Variants in SEMA6D observed in about 807,000 individuals in gnomAD.
SEMA6D encodes the protein semaphorin 6D, also known as semaphorin-6D.
Under a neutral mutation model 106.6 loss-of-function variants are expected in SEMA6D, and 35 were observed. That is an observed-to-expected ratio of 0.33 (90% CI 0.25 to 0.44). The LOEUF (loss-of-function observed/expected upper bound fraction) is 0.44. Among genes scored for constraint, SEMA6D ranks in the 20% least tolerant of loss-of-function variants. The pLI is 1.00. For synonymous variants in SEMA6D, 499 were observed against 487.7 expected (o/e 1.02, Z -0.31); for missense variants, 1,185 against 1,345.9 (o/e 0.88, Z 1.87).
intron 1 of SEMA6D, among the ~76,000 whole-genome samples, chr15:47,278,885 G>T (rs1408431515): frequency 2.0e-5 from 3 of 146,718 alleles, no homozygotes; most frequent in Non-Finnish European, 3.0e-5. Flanking sequence ...TTTCCCCATT[G>T]CTTGTTTTTC....
At chr15:47,445,444 A>G (rs2042001501) in intron 2 of SEMA6D, among the ~76,000 whole-genome samples, 1 of 151,878 alleles carries the variant, frequency 6.6e-6, no homozygotes, top group Non-Finnish European at 1.5e-5. Flanking sequence ...AACAATACAT[A>G]CCCATCATCC....
At chr15:47,232,900 G>C (rs1354209352) in intron 1 of SEMA6D, among the ~76,000 whole-genome samples, 2 of 151,806 alleles carry the variant, frequency 1.3e-5, no homozygotes, top group African/African-American at 4.8e-5. Flanking sequence ...TACTTTCATA[G>C]TGTTCTTGGA....
intron 4 of SEMA6D, among the ~76,000 whole-genome samples, chr15:47,642,941 A>C (rs2144764626): frequency 1.3e-5 from 2 of 152,052 alleles, no homozygotes; most frequent in South Asian, 4.2e-4. Context: ...TGCAATGGAG[A>C]GTAAGATAGA....
chr15:47,766,938 GTCT>G (rs1162947518), intron 16 of SEMA6D, 96 bp from the exon 17 acceptor site: 301 of 664,932 alleles, frequency 4.5e-4, no homozygotes, highest in Non-Finnish European at 6.7e-4. Context: ...TTAATTTATA[GTCT>G]TTTTTTTTTT....
chr15:47,319,243 A>G (rs2036826749), intron 1 of SEMA6D, among the ~76,000 whole-genome samples: 1 of 152,172 alleles, frequency 6.6e-6, no homozygotes, highest in South Asian at 2.1e-4. Flanking sequence ...CCCTTAGCAT[A>G]TTAATCATAG....
chr15:47,494,766 AT>A lies in SEMA6D; in HGVS notation c.-87+24222del, dbSNP rs1567119740. ...GATATATATATATATATATATATAT[AT>A]ATATATATATATATATATATATAAT... On this transcript the variant is annotated intron_variant, in intron 3 of 19. Transcript: ENST00000558014. Among the ~76,000 whole-genome samples the A allele has an allele frequency of 1.1e-3, 112 of 98,480 alleles. 2 individuals are homozygous for A. The highest frequency in any genetic ancestry group is 4.1e-3 in the African/African-American group (108 of 26,050). 64.6% of individuals were successfully genotyped at this position (98,480 alleles called of 152,430 possible).
intron 1 of SEMA6D, among the ~76,000 whole-genome samples, chr15:47,283,164 T>C (rs62015690): frequency 0.017 from 2,601 of 152,080 alleles, 48 homozygotes; most frequent in African/African-American, 0.02. Flanking sequence ...CCACCCTCAT[T>C]TTCCTCTTTT....
At chr15:47,651,257 A>T (rs1451901367) in intron 4 of SEMA6D, among the ~76,000 whole-genome samples, 1 of 152,100 alleles carries the variant, frequency 6.6e-6, no homozygotes, top group Non-Finnish European at 1.5e-5. Flanking sequence ...AAAATAAATT[A>T]GCCAGGCATA....
At chr15:47,552,996 A>G (rs1449708728) in intron 3 of SEMA6D, among the ~76,000 whole-genome samples, 2 of 144,656 alleles carry the variant, frequency 1.4e-5, no homozygotes, top group African/African-American at 5.1e-5. Flanking sequence ...CCTCCGCCTC[A>G]TGGGTTCAAG....
chr15:47,203,509 T>A (rs1894854177), intron 1 of SEMA6D, among the ~76,000 whole-genome samples: 1 of 152,122 alleles, frequency 6.6e-6, no homozygotes, highest in Non-Finnish European at 1.5e-5. Flanking sequence ...ACCTTTAACC[T>A]TTGTTCCTGT....
chr15:47,641,045 T>C (rs949271987), intron 4 of SEMA6D, among the ~76,000 whole-genome samples: 12 of 152,158 alleles, frequency 7.9e-5, no homozygotes, highest in African/African-American at 2.9e-4. Context: ...GTCGTCCTTT[T>C]CAAAGCCAAG....
chr15:47,430,389 A>G (rs1438576155), intron 2 of SEMA6D, among the ~76,000 whole-genome samples: 2 of 151,958 alleles, frequency 1.3e-5, no homozygotes, highest in Non-Finnish European at 2.9e-5. Context: ...TTTGTCTGTG[A>G]TCATCCAGGG....
chr15:47,350,162 A>C, intron 1 of SEMA6D, among the ~76,000 whole-genome samples: 1 of 151,704 alleles, frequency 6.6e-6, no homozygotes, highest in South Asian at 2.1e-4. Flanking sequence ...TTTCAAATCA[A>C]GTTTCTAATA....
intron 2 of SEMA6D, among the ~76,000 whole-genome samples, chr15:47,418,443 T>G (rs1177886358): frequency 6.6e-6 from 1 of 152,070 alleles, no homozygotes; most frequent in Non-Finnish European, 1.5e-5. Context: ...GCAAATTCAG[T>G]GTCTGGTGAG....
At chr15:47,513,120 G>A (rs1281373593) in intron 3 of SEMA6D, among the ~76,000 whole-genome samples, 1 of 151,946 alleles carries the variant, frequency 6.6e-6, no homozygotes, top group Non-Finnish European at 1.5e-5. Context: ...TAATGGAAAT[G>A]GGGAAATTAT....
intron 1 of SEMA6D, among the ~76,000 whole-genome samples, chr15:47,298,572 T>G (rs1245393516): frequency 6.6e-6 from 1 of 152,196 alleles, no homozygotes; most frequent in African/African-American, 2.4e-5. Flanking sequence ...CATTGTGTTC[T>G]TATTCGCCCA....
At chr15:47,754,796 G>A (rs2081621718) in intron 1 of SEMA6D, among the ~76,000 whole-genome samples, 1 of 95,370 alleles carries the variant, frequency 1.0e-5, no homozygotes, top group Non-Finnish European at 2.7e-5. Context: ...TTACTCTCTT[G>A]TCTGTTTCTT....
At chr15:47,635,887 C>T (rs1208955893) in intron 4 of SEMA6D, among the ~76,000 whole-genome samples, 1 of 150,862 alleles carries the variant, frequency 6.6e-6, no homozygotes, top group Non-Finnish European at 1.5e-5. Context: ...GTCAGAAATT[C>T]TCTTCTGGTG....
chr15:47,709,293 G>A (rs951175898), intron 4 of SEMA6D, among the ~76,000 whole-genome samples: 11 of 152,128 alleles, frequency 7.2e-5, no homozygotes, highest in African/African-American at 2.7e-4. Context: ...GGACCTAGAG[G>A]TAGTAAAGGC....
Sources: gnomAD v4.1 joint callset for allele counts (sites outside exome capture counted in the v4.1 genomes callset) on GRCh38, gnomAD v4.1.1 for gene constraint, MANE v1.5 for transcripts, NCBI Gene and HGNC (gene_info 2026-07-23, HGNC 2026-07-21) for gene names.